Variants in CELF5 observed in about 807,000 individuals in gnomAD.
The protein encoded by CELF5 is CUGBP Elav-like family member 5.
In CELF5, 6 loss-of-function variants were observed where a neutral mutation model predicts 54.9. The ratio of observed to expected loss-of-function variants is 0.11; its 90% CI spans 0.06 to 0.22. CELF5 has a LOEUF of 0.22. Among genes scored for constraint, CELF5 ranks in the 10% least tolerant of loss-of-function variants. The pLI is 1.00. For synonymous variants in CELF5, 271 were observed against 290.9 expected, an observed-to-expected ratio of 0.93 and a Z score of 0.70; for missense variants, 401 against 678.6, an observed-to-expected ratio of 0.59 and a Z score of 4.54.
intron 1 of CELF5, among the ~76,000 whole-genome samples, chr19:3,250,226 C>T (rs1401870814): frequency 6.6e-6 from 1 of 152,208 alleles, no homozygotes; most frequent in Non-Finnish European, 1.5e-5. Context: ...CGGTGGCTCA[C>T]GCCTGTAATC....
intron 8 of CELF5, among the ~76,000 whole-genome samples, chr19:3,283,889 C>G (rs1322997905): frequency 6.6e-6 from 1 of 152,008 alleles, no homozygotes; most frequent in East Asian, 1.9e-4. Flanking sequence ...GTGGCGTGAT[C>G]ATAGCTCGCT....
chr19:3,243,275 GT>G (rs1051488328), intron 1 of CELF5, among the ~76,000 whole-genome samples: 35 of 151,702 alleles, frequency 2.3e-4, no homozygotes, highest in African/African-American at 8.2e-4. Flanking sequence ...TATCAATGGA[GT>G]TTTTTTGAGA....
intron 2 of CELF5, among the ~76,000 whole-genome samples, chr19:3,265,856 G>T (rs1015924984): frequency 1.8e-4 from 28 of 151,968 alleles, no homozygotes; most frequent in African/African-American, 6.3e-4. Flanking sequence ...ATCCAGGCCA[G>T]AGTGTGATGG....
At chr19:3,290,113 G>T (rs556922940) in intron 10 of CELF5, 118 bp from the exon 11 acceptor site, 1 of 718,352 alleles carries the variant, frequency 1.4e-6, no homozygotes, top group South Asian at 1.8e-5. Context: ...GGTGTCTGAG[G>T]CACCCCTCTC....
intron 1 of CELF5, among the ~76,000 whole-genome samples, chr19:3,226,349 G>T (rs1217264809): frequency 6.6e-6 from 1 of 151,900 alleles, no homozygotes; most frequent in Non-Finnish European, 1.5e-5. Context: ...ATGGGGCCCA[G>T]GCCTGTCACT....
rs1020815407 is a variant in CELF5 at position 3,285,980 on chromosome 19, A to T, written c.1141A>T (p.Ser381Cys). Reference protein sequence around the residue: ...PTAAITPIAHSVPQPPPLLQQ... With the variant: ...PTAAITPIAHCVPQPPPLLQQ... ...CGCGGCCATCACGCCCATCGCGCAC[A>T]GCGTCCCCCAGCCGCCGCCCCTCCT... Residue 381 changes from serine (S) to cysteine (C), a missense_variant, in exon 10 of 13, where the codon AGC (serine) becomes TGC (cysteine). Ser to Cys is a moderately radical substitution (Grantham distance 112, BLOSUM62 -1). This residue lies in a region of CELF5 where 143 missense variants were observed against 147.6 expected (regional missense o/e 0.97). Coordinates refer to ENST00000292672, the MANE Select transcript of CELF5 (RefSeq NM_021938.4). 1.3e-6 allele frequency: 2 copies of T among 1,584,190 alleles called. No homozygotes were observed. The highest frequency in any genetic ancestry group is 1.7e-5 in the Admixed American group (1 of 57,564).
At chr19:3,229,165 G>T (rs1277760947) in intron 1 of CELF5, among the ~76,000 whole-genome samples, 1 of 145,628 alleles carries the variant, frequency 6.9e-6, no homozygotes, top group Non-Finnish European at 1.5e-5. Context: ...GCAGAGCTGG[G>T]CATTTGGTGT....
At chr19:3,245,569 G>GC (rs1555719116) in intron 1 of CELF5, among the ~76,000 whole-genome samples, 1 of 137,480 alleles carries the variant, frequency 7.3e-6, no homozygotes, top group Admixed American at 7.6e-5. Flanking sequence ...GAGTCCACAG[G>GC]CAAAAAAAAA....
intron 10 of CELF5, 59 bp from the exon 11 acceptor site, chr19:3,290,172 C>G: frequency 6.7e-7 from 1 of 1,482,236 alleles, no homozygotes; most frequent in Non-Finnish European, 9.4e-7. Flanking sequence ...TGCCCCTCCC[C>G]CGGGGGGGTT....
Position 3,275,419 on chromosome 19 carries a change from C to T in CELF5, c.395-437C>T, listed in dbSNP as rs1350369923. On this transcript the variant is annotated intron_variant, in intron 3 of 12. Transcript: ENST00000292672. The surrounding 1 kb of genome is among the most constrained non-coding windows in gnomAD (Gnocchi z 6.7). Reference sequence around the variant, plus strand: ...TGCGGGGACCATCAGTGCCCACCTCCGCCTGGCAGGTCCGGGGAGCAGACA... The same window carrying T: ...TGCGGGGACCATCAGTGCCCACCTCTGCCTGGCAGGTCCGGGGAGCAGACA... Among the ~76,000 whole-genome samples, 1 of 152,258 alleles carries T rather than the reference C, an allele frequency of 6.6e-6. No homozygotes were observed. Among genetic ancestry groups the T allele is most frequent in the Non-Finnish European group, 1.5e-5 (1 of 68,050 alleles).
At chr19:3,225,480 C>CCCCAAA in intron 1 of CELF5, 4 of 670,790 alleles carry the variant, frequency 6.0e-6, no homozygotes, top group African/African-American at 2.1e-5. Context: ...CCCCCACCCC[C>CCCCAAA]ATTCATTCAG....
rs182975469 is a variant in CELF5 at position 3,237,048 on chromosome 19, C to T, written c.259+12050C>T. 6.5e-3 allele frequency among the ~76,000 whole-genome samples: 974 copies of T among 148,942 alleles called. 12 individuals are homozygous for T. The highest frequency in any genetic ancestry group is 0.023 in the African/African-American group (924 of 40,514). ...GCTACTCCGGCCAGGCGTGGTGGCT[C>T]ACGCCTGTAATCCCAGCACTTTGGG... On this transcript the variant is annotated intron_variant, in intron 1 of 12. Coordinates refer to ENST00000292672, the MANE Select transcript of CELF5 (RefSeq NM_021938.4).
chr19:3,264,859 G>A (rs757529495), intron 2 of CELF5, among the ~76,000 whole-genome samples: 5 of 151,794 alleles, frequency 3.3e-5, no homozygotes, highest in South Asian at 4.2e-4. Context: ...GATTATAGGC[G>A]TCTGCCACCA....
rs540357552 is a variant in CELF5, at chr19:3,292,365, G to A, written c.1331-954G>A. On this transcript the variant is annotated intron_variant, in intron 11 of 12. Transcript: ENST00000292672. ...TCAGTGCGATCTCGGCTCACTGCAA[G>A]CTCCATCTCCCAGGCTCAAGCGATT... Among the ~76,000 whole-genome samples the A allele has an allele frequency of 2.3e-4, 35 of 149,990 alleles. 1 individual carries two copies. Among genetic ancestry groups the A allele is most frequent in the Admixed American group, 1.7e-3 (25 of 14,886 alleles).
chr19:3,267,196 C>T (rs910981197), intron 2 of CELF5, among the ~76,000 whole-genome samples: 2 of 152,128 alleles, frequency 1.3e-5, no homozygotes, highest in African/African-American at 4.8e-5. Context: ...ATTTGCTTGA[C>T]TTTCCACTTC....
In CELF5 at chr19:3,281,413, G is replaced by C. The variant is rs1453737140; in HGVS notation, c.750+68G>C. 3 of 1,523,262 alleles carry C rather than the reference G, an allele frequency of 2.0e-6. No homozygotes were observed. The South Asian group carries it at 3.6e-5, about 18-fold the overall frequency. The allele number at this position is 1,523,262 out of a possible 1,614,324, so 94.4% of individuals were successfully genotyped here. ...TCTCAGTCTCTGTCTACTCTCTGTC[G>C]GGCTCCTGCCTCTCCCTCCATCTCC... On this transcript the variant is annotated intron_variant, in intron 6 of 12. Coordinates refer to ENST00000292672, the MANE Select transcript of CELF5 (RefSeq NM_021938.4). This position sits in a 1 kb window ranked among gnomAD's most constrained non-coding sequence, Gnocchi z 6.5.
intron 10 of CELF5, 97 bp from the exon 11 acceptor site, chr19:3,290,134 G>A: frequency 1.1e-6 from 1 of 904,820 alleles, no homozygotes. Flanking sequence ...CCGACAGCTG[G>A]AGAAGCCAGA....
intron 1 of CELF5, among the ~76,000 whole-genome samples, chr19:3,236,988 C>CA (rs59437366): frequency 0.074 from 7,862 of 106,950 alleles, 644 homozygotes; most frequent in East Asian, 0.41. Flanking sequence ...GACTCCATCT[C>CA]AAAAAAAAAA....
rs564287782 is a variant in CELF5, at chr19:3,275,781, C to A, written c.395-75C>A. On this transcript the variant is annotated intron_variant, in intron 3 of 12. Transcript: ENST00000292672. The surrounding 1 kb of genome is among the most constrained non-coding windows in gnomAD (Gnocchi z 6.7). ...TTCCTGCCCTGCCGCCTCCACTCTGCTGGAGGGAGGGAGGAATCCCGGAGG... is the reference window on the plus strand; with the variant it reads ...TTCCTGCCCTGCCGCCTCCACTCTGATGGAGGGAGGGAGGAATCCCGGAGG... The A allele has an allele frequency of 6.0e-6, 9 of 1,511,638 alleles. No homozygotes were observed. In the African/African-American group the frequency reaches 1.1e-4, roughly 18 times the overall value. 93.6% of individuals were successfully genotyped at this position (1,511,638 alleles called of 1,614,324 possible). A position where few individuals can be genotyped will look rare whatever the true frequency, so the allele number is the denominator to read the frequency against.
Sources: gnomAD v4.1 joint callset for allele counts (sites outside exome capture counted in the v4.1 genomes callset) on GRCh38, gnomAD v4.1.1 for gene constraint, gnomAD v4.1.1 regional missense constraint, Gnocchi (gnomAD v3.1) non-coding constraint, MANE v1.5 for transcripts, NCBI Gene and HGNC (gene_info 2026-07-23, HGNC 2026-07-21) for gene names.